The following APBA1 variants were observed in gnomAD, a reference collection of about 807,000 sequenced individuals.
APBA1 encodes the protein amyloid-beta A4 precursor protein-binding family A member 1.
Under a neutral mutation model 86.6 loss-of-function variants are expected in APBA1, and 55 were observed. The ratio of observed to expected loss-of-function variants is 0.64; its 90% confidence interval spans 0.51 to 0.80. APBA1 has a LOEUF of 0.80. Ranked by LOEUF, APBA1 falls within the 30% of genes least tolerant of loss-of-function variation. APBA1 has a pLI of 0.00. For synonymous variants in APBA1, 511 were observed against 493.9 expected (o/e 1.03, Z -0.46); for missense variants, 1,090 against 1,183.0 (o/e 0.92, Z 1.15).
chr9:69,637,778 T>G (rs770619467), intron 1 of APBA1, among the ~76,000 whole-genome samples: 5 of 152,252 alleles, frequency 3.3e-5, no homozygotes, highest in African/African-American at 4.8e-5. Flanking sequence ...GTCATACTTT[T>G]TAAAATGACA....
Position 69,516,084 on chromosome 9 carries a change from T to A in APBA1, c.1127A>T (p.Glu376Val). The A allele has an allele frequency of 6.2e-7, 1 of 1,612,906 alleles. No homozygotes were observed. The highest frequency in any genetic ancestry group is 8.5e-7 in the Non-Finnish European group (1 of 1,179,354). ...GTCCTGGCGCATGACCCAGATGGGC[T>A]CTTTGGGCTCGTCGGGGGTGTAAGG... ...RSPYTPDEPK[E>V]PIWVMRQDIS... Residue 376 changes from glutamate (E) to valine (V), a missense_variant, in exon 2 of 13, where the codon GAG becomes GTG. Physicochemically the swap from Glu to Val is moderately radical, Grantham distance 121. This residue lies in a region of APBA1 where 678 missense variants were observed against 647.1 expected (regional missense o/e 1.05). Coordinates refer to ENST00000265381, the MANE Select transcript of APBA1 (RefSeq NM_001163.4). The surrounding 1 kb of genome is among the most constrained non-coding windows in gnomAD (Gnocchi z 7.3).
chr9:69,558,213 T>G (rs1224282162), intron 1 of APBA1, among the ~76,000 whole-genome samples: 1 of 152,158 alleles, frequency 6.6e-6, no homozygotes, highest in Admixed American at 6.5e-5. Flanking sequence ...CTGATTTATC[T>G]TTTTCTACCC....
At chr9:69,541,966 T>C (rs892328361) in intron 1 of APBA1, among the ~76,000 whole-genome samples, 1 of 152,120 alleles carries the variant, frequency 6.6e-6, no homozygotes, top group Admixed American at 6.5e-5. Context: ...CCTTGGACCA[T>C]CTGAGTTAAT....
rs188750369 is a variant in APBA1 at position 69,456,590 on chromosome 9, A to G, written c.1603-158T>C. 1.2e-3 allele frequency among the ~76,000 whole-genome samples: 182 copies of G among 152,332 alleles called. 1 individual carries two copies. Among genetic ancestry groups the G allele is most frequent in the African/African-American group, 4.2e-3 (174 of 41,578 alleles). On this transcript the variant is annotated intron_variant, in intron 7 of 12. Coordinates refer to ENST00000265381, the MANE Select transcript of APBA1 (RefSeq NM_001163.4). ...CTGAGGGATCAACGGATACCCACCC[A>G]GGCCGGAGGGCATTTCCCTTAGCTA...
intron 2 of APBA1, among the ~76,000 whole-genome samples, chr9:69,501,178 G>A (rs1485820809): frequency 6.6e-6 from 1 of 152,088 alleles, no homozygotes; most frequent in East Asian, 1.9e-4. Flanking sequence ...ACTCTTCAGG[G>A]GAGTGAAGTG....
At position 69,458,143 on chromosome 9, in the gene APBA1, G is replaced by C. The variant is rs1457307616; in HGVS notation, c.1515+13C>G. On this transcript the variant is annotated intron_variant, in intron 6 of 12. Coordinates refer to ENST00000265381, the MANE Select transcript of APBA1 (RefSeq NM_001163.4). ...GGCATAACACCAAGCTGATGAAGTT[G>C]TTTGTACTGCACCTTCTTCCTGCTT... 1 of 1,609,140 alleles carries C rather than the reference G, an allele frequency of 6.2e-7. No homozygotes were observed. Among genetic ancestry groups the C allele is most frequent in the Non-Finnish European group, 8.5e-7 (1 of 1,178,528 alleles).
Position 69,516,385 on chromosome 9 carries a change from CG to C in APBA1, c.825del (p.Glu276ArgfsTer2). Reference sequence around the variant, plus strand: ...TGCGAGCTCATGCTCTGCTTCACCTCGGCCACTATCTGGTCGATGTCCTCCT... The same window carrying C: ...TGCGAGCTCATGCTCTGCTTCACCTCGCCACTATCTGGTCGATGTCCTCCT... Reference protein sequence around the residue: ...EQEEDIDQIVAEVKQSMSSQS... With the variant: ...EQEEDIDQIVXEVKQSMSSQS... On this transcript the variant is annotated frameshift_variant, in exon 2 of 13. Coordinates refer to ENST00000265381, the MANE Select transcript of APBA1 (RefSeq NM_001163.4). LOFTEE classifies it high-confidence loss of function. The surrounding 1 kb of genome is among the most constrained non-coding windows in gnomAD (Gnocchi z 7.3). The C allele has an allele frequency of 6.2e-7, 1 of 1,603,264 alleles. No homozygotes were observed. The highest frequency in any genetic ancestry group is 1.1e-5 in the South Asian group (1 of 90,954).
chr9:69,636,332 G>A (rs970319766), intron 1 of APBA1, among the ~76,000 whole-genome samples: 4 of 152,176 alleles, frequency 2.6e-5, no homozygotes, highest in South Asian at 2.1e-4. Flanking sequence ...ATGGAGAACA[G>A]TTTGGAGGTT....
At chr9:69,495,807 G>A (rs1349242950) in intron 2 of APBA1, among the ~76,000 whole-genome samples, 1 of 152,050 alleles carries the variant, frequency 6.6e-6, no homozygotes, top group Non-Finnish European at 1.5e-5. Flanking sequence ...GGGAAAAGAG[G>A]CTCTCTCAGG....
At chr9:69,534,779 A>G (rs1836483832) in intron 1 of APBA1, among the ~76,000 whole-genome samples, 1 of 152,124 alleles carries the variant, frequency 6.6e-6, no homozygotes. Context: ...TCTAGGGGTT[A>G]CTTCCATAAC....
chr9:69,581,260 C>T (rs1434112746), intron 1 of APBA1, among the ~76,000 whole-genome samples: 1 of 152,210 alleles, frequency 6.6e-6, no homozygotes, highest in Non-Finnish European at 1.5e-5. Context: ...TATATGTTTG[C>T]ATGGCCACTA....
intron 4 of APBA1, among the ~76,000 whole-genome samples, chr9:69,468,896 ACT>A (rs1165226998): frequency 6.7e-6 from 1 of 149,802 alleles, no homozygotes; most frequent in Non-Finnish European, 1.5e-5. Flanking sequence ...ACAGGGTCTC[ACT>A]CTCTCGCTAA....
At chr9:69,618,574 T>C (rs1408458489) in intron 1 of APBA1, among the ~76,000 whole-genome samples, 1 of 152,170 alleles carries the variant, frequency 6.6e-6, no homozygotes, top group Non-Finnish European at 1.5e-5. Flanking sequence ...CGGCCAGTCA[T>C]ACTCAACCAA....
At chr9:69,652,507 T>C (rs1382297549) in intron 1 of APBA1, among the ~76,000 whole-genome samples, 3 of 151,980 alleles carry the variant, frequency 2.0e-5, no homozygotes, top group Non-Finnish European at 4.4e-5. Context: ...AAGTGAAGTT[T>C]AAAATGAGAC....
chr9:69,453,009 C>T (rs533048788), intron 8 of APBA1, among the ~76,000 whole-genome samples: 2 of 152,206 alleles, frequency 1.3e-5, no homozygotes, highest in Admixed American at 6.5e-5. Flanking sequence ...CTGCACACTG[C>T]GTTCTCCTAC....
chr9:69,440,866 T>C, intron 11 of APBA1, 130 bp downstream of exon 11: 1 of 1,200,154 alleles, frequency 8.3e-7, no homozygotes, highest in Non-Finnish European at 1.2e-6. Flanking sequence ...ACCCGTCTTC[T>C]GCATCACTCA....
intron 1 of APBA1, among the ~76,000 whole-genome samples, chr9:69,574,036 AATTT>A (rs1355026599): frequency 1.3e-5 from 2 of 152,236 alleles, no homozygotes; most frequent in African/African-American, 4.8e-5. Flanking sequence ...CAAAAATAGT[AATTT>A]ATTTATGTTT....
At chr9:69,591,066 C>T (rs553441458) in intron 1 of APBA1, among the ~76,000 whole-genome samples, 1 of 152,306 alleles carries the variant, frequency 6.6e-6, no homozygotes, top group African/African-American at 2.4e-5. Context: ...TGAAAAACTG[C>T]ATGTGATGCT....
chr9:69,473,821 T>C (rs1835402809), intron 3 of APBA1, among the ~76,000 whole-genome samples: 1 of 152,186 alleles, frequency 6.6e-6, no homozygotes, highest in Non-Finnish European at 1.5e-5. Flanking sequence ...CATGACTAGC[T>C]TTCTTAGTCT....
Sources: allele counts gnomAD v4.1 joint callset (sites outside exome capture counted in the v4.1 genomes callset), GRCh38; gene constraint gnomAD v4.1.1; regional missense constraint gnomAD v4.1.1; non-coding constraint Gnocchi (gnomAD v3.1); transcripts MANE v1.5; gene names NCBI Gene and HGNC (gene_info 2026-07-23, HGNC 2026-07-21).